Variants in EIF4E3 observed in about 807,000 individuals in gnomAD.
The protein encoded by EIF4E3 is eukaryotic translation initiation factor 4E type 3.
A neutral mutation model predicts 31.7 loss-of-function variants in EIF4E3; 26 were observed. That is an observed-to-expected ratio of 0.82 (90% CI 0.60 to 1.14). The LOEUF is 1.14. Ranked by LOEUF, EIF4E3 falls within the 50% of genes most tolerant of loss-of-function variation. The probability of loss-of-function intolerance (pLI) is 0.00; values close to 1 mark genes in which losing one functional copy is unlikely to be tolerated. For synonymous variants in EIF4E3, 128 were observed against 107.7 expected (o/e 1.19, Z -1.17); for missense variants, 304 against 270.9 (o/e 1.12, Z -0.86).
At chr3:71,746,365 G>T (rs1194260275) in intron 1 of EIF4E3, among the ~76,000 whole-genome samples, 1 of 152,160 alleles carries the variant, frequency 6.6e-6, no homozygotes, top group Non-Finnish European at 1.5e-5. Context: ...GTAATATAAA[G>T]CTATTGGTTA....
At chr3:71,717,849 T>C (rs13070445) in intron 1 of EIF4E3, among the ~76,000 whole-genome samples, 32,319 of 152,178 alleles carry the variant, frequency 0.21, 4,601 homozygotes, top group African/African-American at 0.4. Flanking sequence ...TATGGATAAT[T>C]ATGTACAGTA....
intron 1 of EIF4E3, among the ~76,000 whole-genome samples, chr3:71,720,286 T>C (rs1521352): frequency 0.7 from 106,032 of 151,734 alleles, 37,770 homozygotes; most frequent in African/African-American, 0.83. Context: ...CAAGCAAACA[T>C]CTAGGCTCAA....
intron 6 of EIF4E3, among the ~76,000 whole-genome samples, chr3:71,687,964 C>T (rs1362560476): frequency 1.3e-5 from 2 of 152,176 alleles, no homozygotes; most frequent in African/African-American, 4.8e-5. Context: ...GTAGTGTATA[C>T]CCTGCTGAGT....
intron 2 of EIF4E3, 69 bp downstream of exon 2, chr3:71,710,343 T>C (rs908987811): frequency 1.3e-6 from 2 of 1,506,658 alleles, no homozygotes; most frequent in Non-Finnish European, 1.8e-6. Flanking sequence ...CAGCAACAGA[T>C]TTCAAGTTGG....
intron 1 of EIF4E3, among the ~76,000 whole-genome samples, chr3:71,743,910 T>C (rs954753085): frequency 2.6e-5 from 4 of 152,146 alleles, no homozygotes; most frequent in African/African-American, 7.2e-5. Context: ...TTTCAATCCA[T>C]TGAAATTCAA....
rs894219910 is a variant in EIF4E3, at chr3:71,683,878, A to C, written c.*804T>G. ...TTAAATCAGAAACATCAGGTTTCCT[A>C]TTGGAAGAAATCCCTTGCTACCACT... On this transcript the variant is annotated 3_prime_UTR_variant, in exon 7 of 7. Coordinates refer to ENST00000425534, the MANE Select transcript of EIF4E3 (RefSeq NM_001134651.2). The C allele has an allele frequency of 6.6e-6, 1 of 152,316 alleles. No homozygotes were observed. The highest frequency in any genetic ancestry group is 1.9e-4 in the East Asian group (1 of 5,186). The allele number at this position is 152,316 out of a possible 1,614,324, so 9.4% of individuals were successfully genotyped here.
At chr3:71,753,929 C>G (rs1010289691), upstream of EIF4E3, 1 of 1,004,030 alleles carries the variant, frequency 1.0e-6, no homozygotes, top group East Asian at 1.0e-4. Context: ...CGGGCTGAGC[C>G]CCGCAGGACG....
At chr3:71,663,216 T>C in the EIF4E3 span, among the ~76,000 whole-genome samples, 16 of 152,194 alleles carry the variant, frequency 1.1e-4, no homozygotes, top group Non-Finnish European at 2.4e-4. Flanking sequence ...TCGCCTGTTG[T>C]GTTATTTTCA....
rs2048873403 is a variant in EIF4E3 at position 71,676,102 on chromosome 3, A to C, written c.*8580T>G. 1 of 152,198 alleles carries C rather than the reference A, an allele frequency of 6.6e-6. No homozygotes were observed. Among genetic ancestry groups the C allele is most frequent in the African/African-American group, 2.4e-5 (1 of 41,450 alleles). 9.4% of individuals were successfully genotyped at this position (152,198 alleles called of 1,614,324 possible). ...TGGACAGAGCCACACACTACAGCAA[A>C]AGCACATTAAATTCTGCCCAGTTAC... is the stretch of plus-strand genomic sequence containing the variant. On this transcript the variant is annotated 3_prime_UTR_variant, in exon 7 of 7. Transcript: ENST00000425534.
the EIF4E3 span, among the ~76,000 whole-genome samples, chr3:71,660,544 C>T: frequency 0.015 from 2,312 of 152,148 alleles, 62 homozygotes; most frequent in African/African-American, 0.054. Flanking sequence ...TGTTAGCAGC[C>T]GAGGGATCCT....
chr3:71,681,639 C>G lies in EIF4E3; in HGVS notation c.*3043G>C, dbSNP rs1416255228. 6.6e-6 allele frequency: 1 copy of G among 152,200 alleles called. No individual in the cohort carries two copies. Among genetic ancestry groups the G allele is most frequent in the Non-Finnish European group, 1.5e-5 (1 of 68,046 alleles). The allele number at this position is 152,200 out of a possible 1,614,324, so 9.4% of individuals were successfully genotyped here. A position where few individuals can be genotyped will look rare whatever the true frequency, so the allele number is the denominator to read the frequency against. The stretch of plus-strand genomic sequence containing the variant: ...TACTCTCCATTTAAGGACGCCTGCA[C>G]CGGGATACAACTTGCCGACTTCAAT... On this transcript the variant is annotated 3_prime_UTR_variant, in exon 7 of 7. Coordinates refer to ENST00000425534, the MANE Select transcript of EIF4E3 (RefSeq NM_001134651.2).
chr3:71,715,967 G>T (rs2049458241), intron 1 of EIF4E3, among the ~76,000 whole-genome samples: 1 of 152,078 alleles, frequency 6.6e-6, no homozygotes, highest in African/African-American at 2.4e-5. Flanking sequence ...CCTTAAACTA[G>T]GCTGACTCCC....
chr3:71,680,292 G>C lies in EIF4E3; in HGVS notation c.*4390C>G, dbSNP rs2048908329. On this transcript the variant is annotated 3_prime_UTR_variant, in exon 7 of 7. Coordinates refer to ENST00000425534, the MANE Select transcript of EIF4E3 (RefSeq NM_001134651.2). ...AGCACCATCAGCATTAGAATCACTAGGGCACTTGTTAAAAATGCAGATATC... is the reference window on the plus strand; with the variant it reads ...AGCACCATCAGCATTAGAATCACTACGGCACTTGTTAAAAATGCAGATATC... 1 of 152,172 alleles carries C rather than the reference G, an allele frequency of 6.6e-6. No homozygotes were observed. Among genetic ancestry groups the C allele is most frequent in the African/African-American group, 2.4e-5 (1 of 41,436 alleles). 9.4% of individuals were successfully genotyped at this position (152,172 alleles called of 1,614,324 possible).
chr3:71,754,518 C>T (rs1382728288), upstream of EIF4E3: 1 of 1,301,294 alleles, frequency 7.7e-7, no homozygotes, highest in East Asian at 3.3e-5. The surrounding 1 kb of genome is among the most constrained non-coding windows in gnomAD (Gnocchi z 5.8). Flanking sequence ...CGCGGCCTTC[C>T]CGCCAGTGCT....
At chr3:71,720,409 G>T (rs2049529921) in intron 1 of EIF4E3, among the ~76,000 whole-genome samples, 1 of 151,874 alleles carries the variant, frequency 6.6e-6, no homozygotes, top group Admixed American at 6.6e-5. Flanking sequence ...TGCCTAGGCT[G>T]GTCTCAAACT....
At chr3:71,672,436 G>A (rs2048851069), downstream of EIF4E3, among the ~76,000 whole-genome samples, 1 of 152,116 alleles carries the variant, frequency 6.6e-6, no homozygotes, top group African/African-American at 2.4e-5. Flanking sequence ...TTTTAATAAG[G>A]CCTTTCTCCT....
In EIF4E3 at chr3:71,720,565, G is replaced by C. The variant is rs79298674; in HGVS notation, c.176+4627C>G. 4.0e-3 allele frequency among the ~76,000 whole-genome samples: 602 copies of C among 152,286 alleles called. 5 individuals are homozygous for C. Among genetic ancestry groups the C allele is most frequent in the African/African-American group, 0.014 (581 of 41,546 alleles). ...CAAAGCTGCTCTGGTAGACGTAGTG[G>C]TGGAGATCCAGAATCCCTACTGTCT... On this transcript the variant is annotated intron_variant, in intron 1 of 6. Coordinates refer to ENST00000425534, the MANE Select transcript of EIF4E3 (RefSeq NM_001134651.2).
chr3:71,719,619 A>G (rs13073428), intron 1 of EIF4E3, among the ~76,000 whole-genome samples: 58,981 of 151,930 alleles, frequency 0.39, 12,528 homozygotes, highest in African/African-American at 0.56. Flanking sequence ...TCACAGACAT[A>G]AGGAAGTTAG....
chr3:71,707,478 T>G lies in EIF4E3; in HGVS notation c.249+2934A>C, dbSNP rs529832914. On this transcript the variant is annotated intron_variant, in intron 2 of 6. Transcript: ENST00000425534. ...AACTATATACCATCTCATCTAACTT[T>G]CACTCTACCTTAGCGAGTAGGCACT... Among the ~76,000 whole-genome samples, 6 of 152,212 alleles carry G rather than the reference T, an allele frequency of 3.9e-5. No homozygotes were observed. The East Asian group carries it at 1.2e-3, about 29-fold the overall frequency.
Sources: gnomAD v4.1 joint callset for allele counts (sites outside exome capture counted in the v4.1 genomes callset) on GRCh38, gnomAD v4.1.1 for gene constraint, Gnocchi (gnomAD v3.1) non-coding constraint, MANE v1.5 for transcripts, NCBI Gene and HGNC (gene_info 2026-07-23, HGNC 2026-07-21) for gene names.